PRR14L: variants seen among roughly 807,000 people sequenced by gnomAD.
PRR14L encodes the protein protein PRR14L.
A neutral mutation model predicts 155.0 loss-of-function variants in PRR14L; 80 were observed. The ratio of observed to expected loss-of-function variants is 0.52; its 90% CI spans 0.43 to 0.62. The LOEUF (loss-of-function observed/expected upper bound fraction) is 0.62, where lower values mean the gene tolerates loss of function less well. PRR14L is among the 20% of genes least tolerant of loss of function. The pLI is 0.00. For synonymous variants in PRR14L, 883 were observed against 916.0 expected, an observed-to-expected ratio of 0.96 and a Z score of 0.65; for missense variants, 2,469 against 2,548.0, an observed-to-expected ratio of 0.97 and a Z score of 0.67.
chr22:31,725,177 T>G (rs2074709827), intron 3 of PRR14L, among the ~76,000 whole-genome samples: 1 of 152,112 alleles, frequency 6.6e-6, no homozygotes, highest in East Asian at 1.9e-4. Flanking sequence ...GGAGGATCAC[T>G]TGAGCCCAGG....
At position 31,717,276 on chromosome 22, in the gene PRR14L, A is replaced by G; in HGVS notation, c.563T>C (p.Ile188Thr). The part of the protein sequence containing the change: ...FLRSKEGNVQ[I>T]TAETLLKSAE... ...GGATTTTAGCAGAGTTTCAGCTGTA[A>G]TCTGTACATTTCCTTCTGAATAAGA... The change falls in exon 4 of 9, where the codon ATT becomes ACT. Residue 188 changes from isoleucine to threonine, a missense_variant. Around this residue, in one of 2 missense-constraint regions of PRR14L, gnomAD observed 2,363 missense variants for 2,371.6 expected, o/e 1.00. Coordinates refer to ENST00000327423, the MANE Select transcript of PRR14L (RefSeq NM_173566.3). 1 of 1,547,578 alleles carries G rather than the reference A, an allele frequency of 6.5e-7. No individual in the cohort carries two copies.
rs770475400 is a variant in PRR14L at position 31,714,605 on chromosome 22, A to G, written c.3234T>C (p.Asp1078=). 29 of 1,551,876 alleles carry G rather than the reference A, an allele frequency of 1.9e-5. No individual in the cohort carries two copies. Among genetic ancestry groups the G allele is most frequent in the Non-Finnish European group, 2.5e-5 (29 of 1,147,044 alleles). ...VLDVKASNLL[D]CGARQEKLAF... is the part of the protein sequence containing the mutation. ...CCAGTTTCTCTTGCCTTGCACCACA[A>G]TCCAGTAGATTAGATGCCTTCACGT... Residue 1078 remains aspartate, a synonymous_variant, in exon 4 of 9, where the codon GAT becomes GAC. Coordinates refer to ENST00000327423, the MANE Select transcript of PRR14L (RefSeq NM_173566.3).
intron 1 of PRR14L, among the ~76,000 whole-genome samples, chr22:31,741,123 C>T (rs564842171): frequency 3.9e-5 from 6 of 151,996 alleles, no homozygotes; most frequent in Admixed American, 1.3e-4. Context: ...CATGATGGCG[C>T]GCGCCTGTGG....
At position 31,704,678 on chromosome 22, in the gene PRR14L, A is replaced by T; in HGVS notation, c.5805T>A (p.Tyr1935Ter). Residue 1935 changes from tyrosine (Y) to a stop codon, truncating the protein, a stop_gained, in exon 5 of 9, where the codon TAT becomes TAA. Transcript: ENST00000327423. LOFTEE classifies it high-confidence loss of function. Reference protein sequence around the residue: ...YVPLPGMEATYNTSGSQTRLE... With the variant: ...YVPLPGMEAT ...ACCTCGTCTGACTGCCGCTGGTGTTATATGTAGCTTCCATGCCTGGAAGAG... is the reference window on the plus strand; with the variant it reads ...ACCTCGTCTGACTGCCGCTGGTGTTTTATGTAGCTTCCATGCCTGGAAGAG... 6.2e-7 allele frequency: 1 copy of T among 1,613,966 alleles called. No homozygotes were observed. The highest frequency in any genetic ancestry group is 8.5e-7 in the Non-Finnish European group (1 of 1,179,916).
chr22:31,724,070 A>G (rs1305896591), intron 3 of PRR14L, among the ~76,000 whole-genome samples: 1 of 152,218 alleles, frequency 6.6e-6, no homozygotes, highest in Non-Finnish European at 1.5e-5. Flanking sequence ...TGTGAACTGT[A>G]CATGCAAGGG....
At chr22:31,700,821 T>A (rs1324905771) in intron 7 of PRR14L, among the ~76,000 whole-genome samples, 2 of 152,150 alleles carry the variant, frequency 1.3e-5, no homozygotes, top group Non-Finnish European at 2.9e-5. Context: ...CCCAAAGTGC[T>A]GGGATTACAG....
In PRR14L at chr22:31,714,848, C is replaced by A; in HGVS notation, c.2991G>T (p.Gln997His). 1 of 1,552,016 alleles carries A rather than the reference C, an allele frequency of 6.4e-7. No individual in the cohort carries two copies. The highest frequency in any genetic ancestry group is 1.2e-5 in the South Asian group (1 of 84,066). ...CGTGAGGCTCGGTGACAGTCTCTCT[C>A]TGGTCACTACTTAGCATCTCCTTGG... ...QSAKEMLSSD[Q>H]RETVTEPHGE... The change falls in exon 4 of 9, where the codon CAG (glutamine) becomes CAT (histidine). Residue 997 changes from glutamine to histidine, a missense_variant. By Grantham distance (24) the Gln-to-His change is conservative. Coordinates refer to ENST00000327423, the MANE Select transcript of PRR14L (RefSeq NM_173566.3).
chr22:31,721,922 G>C (rs773675977), intron 3 of PRR14L, among the ~76,000 whole-genome samples: 1 of 152,170 alleles, frequency 6.6e-6, no homozygotes, highest in Non-Finnish European at 1.5e-5. Flanking sequence ...GCACTGAGGG[G>C]AGAGTGTAGT....
intron 1 of PRR14L, among the ~76,000 whole-genome samples, chr22:31,746,142 C>G (rs2074836819): frequency 1.3e-5 from 2 of 152,124 alleles, no homozygotes; most frequent in Non-Finnish European, 2.9e-5. Flanking sequence ...ATTGCACAGG[C>G]TGGTCTTGAG....
intron 2 of PRR14L, among the ~76,000 whole-genome samples, chr22:31,727,742 G>A (rs978361896): frequency 1.3e-5 from 2 of 151,968 alleles, no homozygotes; most frequent in Admixed American, 6.6e-5. Flanking sequence ...AGCACTTTGG[G>A]AGGCTGAGGT....
chr22:31,694,779 A>G (rs2074527616), intron 7 of PRR14L, among the ~76,000 whole-genome samples: 1 of 148,914 alleles, frequency 6.7e-6, no homozygotes, highest in East Asian at 2.0e-4. Flanking sequence ...AAACAGAAAA[A>G]AAAAAAGAAA....
intron 2 of PRR14L, among the ~76,000 whole-genome samples, chr22:31,727,498 G>A (rs1490728200): frequency 4.0e-5 from 6 of 151,830 alleles, no homozygotes; most frequent in Non-Finnish European, 8.8e-5. Flanking sequence ...GCCTCTCAAA[G>A]TGCTAGGATT....
rs1480005299 is a variant in PRR14L, at chr22:31,716,839, T to C, written c.1000A>G (p.Ser334Gly). 5.2e-6 allele frequency: 8 copies of C among 1,551,868 alleles called. No individual in the cohort carries two copies. Among genetic ancestry groups the C allele is most frequent in the Non-Finnish European group, 7.0e-6 (8 of 1,147,054 alleles). Residue 334 changes from serine (S) to glycine (G), a missense_variant, in exon 4 of 9, where the codon AGC becomes GGC. This residue lies in a region of PRR14L where 2,363 missense variants were observed against 2,371.6 expected (regional missense o/e 1.00). Coordinates refer to ENST00000327423, the MANE Select transcript of PRR14L (RefSeq NM_173566.3). ...ACTTCAGAATTTTCTTTCAAAGGGC[T>C]TGTGGCTGTGGGACTATCATGTGTA... is the stretch of plus-strand genomic sequence containing the variant. ...SSTHDSPTAT[S>G]PLKENSEVSC...
At position 31,715,063 on chromosome 22, in the gene PRR14L, T is replaced by C. The variant is rs1228983362; in HGVS notation, c.2776A>G (p.Ile926Val). Reference sequence around the variant, plus strand: ...TTTACAGTCTGGTTTAGTTCTTGTATAGCATGATCAGAGATGTTATACTTA... The same window carrying C: ...TTTACAGTCTGGTTTAGTTCTTGTACAGCATGATCAGAGATGTTATACTTA... ...FCKYNISDHA[I>V]QELNQTVNIP... is the part of the protein sequence containing the mutation. Residue 926 changes from isoleucine (I) to valine (V), a missense_variant, in exon 4 of 9, where the codon ATA becomes GTA. Around this residue, in one of 2 missense-constraint regions of PRR14L, gnomAD observed 2,363 missense variants for 2,371.6 expected, o/e 1.00. Coordinates refer to ENST00000327423, the MANE Select transcript of PRR14L (RefSeq NM_173566.3). The C allele has an allele frequency of 3.9e-6, 6 of 1,551,584 alleles. No homozygotes were observed. Among genetic ancestry groups the C allele is most frequent in the Middle Eastern group, 1.7e-4 (1 of 6,018 alleles).
At chr22:31,742,849 A>C (rs2074819621) in intron 1 of PRR14L, among the ~76,000 whole-genome samples, 1 of 152,210 alleles carries the variant, frequency 6.6e-6, no homozygotes, top group Non-Finnish European at 1.5e-5. Flanking sequence ...GATAAACAAA[A>C]TGTGGTATAG....
At chr22:31,702,662 T>C (rs1273708293) in intron 6 of PRR14L, among the ~76,000 whole-genome samples, 7 of 152,110 alleles carry the variant, frequency 4.6e-5, no homozygotes, top group East Asian at 1.9e-4. Flanking sequence ...ATTACAGGAA[T>C]GTGCCACCAC....
rs2074626068 is a variant in PRR14L at position 31,712,087 on chromosome 22, T to C, written c.5752A>G (p.Ser1918Gly). 9 of 1,608,126 alleles carry C rather than the reference T, an allele frequency of 5.6e-6. No homozygotes were observed. The highest frequency in any genetic ancestry group is 6.8e-6 in the Non-Finnish European group (8 of 1,177,164). Residue 1918 changes from serine (S) to glycine (G), a missense_variant, in exon 4 of 9, where the codon AGC (serine) becomes GGC (glycine). Transcript: ENST00000327423. ...CKRQPSLGTT[S>G]SHTMLPYVPL... Reference sequence around the variant, plus strand: ...AGAACAGGGGACAGATTTTACCTGCTTGTGGTGCCCAGACTTGGTTGCCGC... The same window carrying C: ...AGAACAGGGGACAGATTTTACCTGCCTGTGGTGCCCAGACTTGGTTGCCGC...
chr22:31,717,387 C>G (rs1173206279), intron 3 of PRR14L, 96 bp from the exon 4 acceptor site: 1 of 947,512 alleles, frequency 1.1e-6, no homozygotes, highest in African/African-American at 1.7e-5. Context: ...CCAAGGGCAA[C>G]AGAAGACCCA....
chr22:31,748,891 A>G (rs1455135535), intron 1 of PRR14L, among the ~76,000 whole-genome samples: 4 of 152,156 alleles, frequency 2.6e-5, no homozygotes, highest in African/African-American at 9.7e-5. Context: ...AGTATTGAAC[A>G]GCAGGATCTA....
Sources: gnomAD v4.1 joint callset for allele counts (sites outside exome capture counted in the v4.1 genomes callset) on GRCh38, gnomAD v4.1.1 for gene constraint, gnomAD v4.1.1 regional missense constraint, MANE v1.5 for transcripts, NCBI Gene and HGNC (gene_info 2026-07-23, HGNC 2026-07-21) for gene names.